The following TTC9C variants were observed in gnomAD, a reference collection of about 807,000 sequenced individuals.
The protein encoded by TTC9C is tetratricopeptide repeat domain 9C, also known as tetratricopeptide repeat protein 9C.
In TTC9C, 15 loss-of-function variants were observed where a neutral mutation model predicts 22.5. The ratio of observed to expected loss-of-function variants is 0.67; its 90% CI spans 0.45 to 1.03. TTC9C has a LOEUF of 1.03. Among genes scored for constraint, TTC9C ranks in the 50% least tolerant of loss-of-function variants. The probability of loss-of-function intolerance (pLI) is 0.00; values close to 1 mark genes in which losing one functional copy is unlikely to be tolerated. For synonymous variants in TTC9C, 92 were observed against 86.8 expected (o/e 1.06, Z -0.33); for missense variants, 244 against 214.6 (o/e 1.14, Z -0.86).
At chr11:62,730,620 C>G (rs1450521805) in intron 1 of TTC9C, among the ~76,000 whole-genome samples, 1 of 152,178 alleles carries the variant, frequency 6.6e-6, no homozygotes, top group African/African-American at 2.4e-5. Context: ...GTTGCCCAGG[C>G]TGGAGTGCAA....
Position 62,738,622 on chromosome 11 carries a change from T to C in TTC9C, c.*240T>C, listed in dbSNP as rs1283257742. ...TTGCAGATATTTGGCTTGAGAAATA[T>C]AATCAGAAAACATACATCAGTTGTG... On this transcript the variant is annotated 3_prime_UTR_variant, in exon 3 of 3. Transcript: ENST00000316461. 1 of 382,368 alleles carries C rather than the reference T, an allele frequency of 2.6e-6. No homozygotes were observed. The highest frequency in any genetic ancestry group is 4.8e-6 in the Non-Finnish European group (1 of 208,080). The allele number at this position is 382,368 out of a possible 1,614,324, so 23.7% of individuals were successfully genotyped here.
rs529932875 is a variant in TTC9C, at chr11:62,731,025, A to G, written c.238+1939A>G. ...TGCCTCAGCCTTCCAAGTAGCTGGGATCACAGGCACCTGCCACCATGCCTG... is the reference window on the plus strand; with the variant it reads ...TGCCTCAGCCTTCCAAGTAGCTGGGGTCACAGGCACCTGCCACCATGCCTG... On this transcript the variant is annotated intron_variant, in intron 1 of 2. Transcript: ENST00000316461. Among the ~76,000 whole-genome samples the G allele has an allele frequency of 3.3e-5, 5 of 151,994 alleles. No homozygotes were observed. The East Asian group carries it at 9.7e-4, about 30-fold the overall frequency.
chr11:62,733,729 C>T (rs147511870), intron 1 of TTC9C, among the ~76,000 whole-genome samples: 5,591 of 152,022 alleles, frequency 0.037, 345 homozygotes, highest in African/African-American at 0.13. Flanking sequence ...CACAGTGACT[C>T]ACGCCTGTAA....
intron 1 of TTC9C, among the ~76,000 whole-genome samples, chr11:62,729,768 G>C (rs2083825081): frequency 6.6e-6 from 1 of 151,986 alleles, no homozygotes; most frequent in Admixed American, 6.6e-5. Context: ...TAGAGACGGG[G>C]TTTCATAATA....
At chr11:62,737,023 C>T (rs1425529112) in intron 2 of TTC9C, among the ~76,000 whole-genome samples, 2 of 151,810 alleles carry the variant, frequency 1.3e-5, no homozygotes, top group African/African-American at 4.8e-5. Flanking sequence ...CATGATTAAA[C>T]CCCGTTTCTA....
rs747109982 is a variant in TTC9C at position 62,735,490 on chromosome 11, T to C, written c.347T>C (p.Val116Ala). The stretch of plus-strand genomic sequence containing the variant: ...GCCAAGGCCTTGTATCGGGCCGGAG[T>C]GGCCTTTTTCCATCTGCAGGACTAT... The part of the protein sequence containing the change: ...DNAKALYRAG[V>A]AFFHLQDYDQ... The change falls in exon 2 of 3, where the codon GTG becomes GCG. Residue 116 changes from valine to alanine, a missense_variant. Coordinates refer to ENST00000316461, the MANE Select transcript of TTC9C (RefSeq NM_173810.4). 1 of 1,613,812 alleles carries C rather than the reference T, an allele frequency of 6.2e-7. No homozygotes were observed.
At chr11:62,736,251 G>GT (rs1212279364) in intron 2 of TTC9C, 6 of 140,016 alleles carry the variant, frequency 4.3e-5, no homozygotes, top group East Asian at 4.4e-4. Context: ...AAACAGTGTT[G>GT]TTTTTTGGGG....
chr11:62,728,762 C>A lies in TTC9C; in HGVS notation c.-87C>A. 1 of 1,313,158 alleles carries A rather than the reference C, an allele frequency of 7.6e-7. No homozygotes were observed. The highest frequency in any genetic ancestry group is 1.1e-6 in the Non-Finnish European group (1 of 914,770). The allele number at this position is 1,313,158 out of a possible 1,614,324, so 81.3% of individuals were successfully genotyped here. A position where few individuals can be genotyped will look rare whatever the true frequency, so the allele number is the denominator to read the frequency against. ...GTAATTTCCTGCCTCCTTAAATTGG[C>A]TGCTACTGTCAGTTATTTTGCTCCC... On this transcript the variant is annotated 5_prime_UTR_variant, in exon 1 of 3. The change creates a new upstream start codon in the 5' untranslated region. Transcript: ENST00000316461.
chr11:62,729,169 C>CTTTTTT, intron 1 of TTC9C, 83 bp downstream of exon 1: 2 of 937,238 alleles, frequency 2.1e-6, no homozygotes, highest in Non-Finnish European at 3.2e-6. Flanking sequence ...AAAACGCTGA[C>CTTTTTT]TTTTTTTTTT....
At chr11:62,733,235 G>A in intron 1 of TTC9C, 1 of 1,148,642 alleles carries the variant, frequency 8.7e-7, no homozygotes, top group Non-Finnish European at 1.1e-6. Context: ...TCATCCAAGA[G>A]AATAGTGAAG....
rs1298244823 is a variant in TTC9C at position 62,728,495 on chromosome 11, G to T, written c.-354G>T. On this transcript the variant is annotated 5_prime_UTR_variant, in exon 1 of 3. In the 5' UTR this introduces an upstream ATG that the reference lacks. Transcript: ENST00000316461. ...TAGAAAGGCGGAAGCCAGTGTCCCA[G>T]GCGTTCTCACGCCCGCAACAATTCC... is the stretch of plus-strand genomic sequence containing the variant. 1 of 480,912 alleles carries T rather than the reference G, an allele frequency of 2.1e-6. No homozygotes were observed. The highest frequency in any genetic ancestry group is 2.3e-5 in the Admixed American group (1 of 43,246). The allele number at this position is 480,912 out of a possible 1,614,324, so 29.8% of individuals were successfully genotyped here. A position where few individuals can be genotyped will look rare whatever the true frequency, so the allele number is the denominator to read the frequency against.
Position 62,728,673 on chromosome 11 carries a change from G to A in TTC9C, c.-176G>A, listed in dbSNP as rs1301783139. 2 of 708,352 alleles carry A rather than the reference G, an allele frequency of 2.8e-6. No homozygotes were observed. Among genetic ancestry groups the A allele is most frequent in the Non-Finnish European group, 5.1e-6 (2 of 390,832 alleles). The allele number at this position is 708,352 out of a possible 1,614,324, so 43.9% of individuals were successfully genotyped here. On this transcript the variant is annotated 5_prime_UTR_variant, in exon 1 of 3. It adds an upstream start codon to the 5' untranslated region. Transcript: ENST00000316461. Reference sequence around the variant, plus strand: ...GAGAAAAAGACTGCAGAAAGGAGAGGTGGGGCTTTCAGTAGAAACAAGCAA... The same window carrying A: ...GAGAAAAAGACTGCAGAAAGGAGAGATGGGGCTTTCAGTAGAAACAAGCAA...
At chr11:62,735,277 A>C in intron 1 of TTC9C, 105 bp from the exon 2 acceptor site, 1 of 1,438,048 alleles carries the variant, frequency 7.0e-7, no homozygotes, top group Non-Finnish European at 9.3e-7. Context: ...GCATTTGTTG[A>C]CTGAATGTTG....
intron 1 of TTC9C, among the ~76,000 whole-genome samples, chr11:62,733,978 C>CA (rs2083881619): frequency 6.6e-6 from 1 of 151,562 alleles, no homozygotes; most frequent in Non-Finnish European, 1.5e-5. Flanking sequence ...CACGACAGAG[C>CA]GAGACCTCCA....
intron 1 of TTC9C, among the ~76,000 whole-genome samples, chr11:62,730,883 TTTTA>T (rs1438687020): frequency 7.2e-6 from 1 of 138,924 alleles, no homozygotes; most frequent in Non-Finnish European, 1.5e-5. Flanking sequence ...TTATTTTTTA[TTTTA>T]TTTATTTATT....
upstream of TTC9C, chr11:62,728,164 A>G (rs368337449): frequency 1.3e-5 from 3 of 239,436 alleles, no homozygotes; most frequent in Non-Finnish European, 1.7e-5. Flanking sequence ...ACCAAACTGT[A>G]CGCATCTCTG....
upstream of TTC9C, chr11:62,728,480 G>A (rs1590906010): frequency 8.4e-6 from 4 of 475,088 alleles, no homozygotes; most frequent in Non-Finnish European, 1.7e-5. Context: ...TAGAAAGGCG[G>A]AAGCCAGTGT....
intron 1 of TTC9C, among the ~76,000 whole-genome samples, chr11:62,732,127 C>G (rs2083858275): frequency 6.7e-6 from 1 of 150,290 alleles, no homozygotes; most frequent in African/African-American, 2.5e-5. Context: ...TCCCGAGTAG[C>G]TGGGACTACA....
chr11:62,728,944 T>C lies in TTC9C; in HGVS notation c.96T>C (p.His32=). The change falls in exon 1 of 3, where the codon CAT becomes CAC. Residue 32 remains histidine, a synonymous_variant. Coordinates refer to ENST00000316461, the MANE Select transcript of TTC9C (RefSeq NM_173810.4). ...GKYRDAVSRY[H]RALLQLRGLD... ...ACCGAGATGCTGTGAGTAGGTACCA[T>C]CGAGCTCTGCTTCAGCTGCGGGGTC... The C allele has an allele frequency of 6.2e-7, 1 of 1,614,122 alleles. No individual in the cohort carries two copies. Among genetic ancestry groups the C allele is most frequent in the South Asian group, 1.1e-5 (1 of 91,068 alleles).
Sources: allele counts gnomAD v4.1 joint callset (sites outside exome capture counted in the v4.1 genomes callset), GRCh38; gene constraint gnomAD v4.1.1; transcripts MANE v1.5; gene names NCBI Gene and HGNC (gene_info 2026-07-23, HGNC 2026-07-21).